PKHD1L1: variants seen among roughly 807,000 people sequenced by gnomAD.
PKHD1L1 encodes fibrocystin-L.
A neutral mutation model predicts 462.9 loss-of-function variants in PKHD1L1; 434 were observed. The observed-to-expected ratio is 0.94, with a 90% CI of 0.87 to 1.02. The LOEUF (loss-of-function observed/expected upper bound fraction) is 1.02. Among genes scored for constraint, PKHD1L1 ranks in the 50% least tolerant of loss-of-function variants. PKHD1L1 has a pLI of 0.00. For synonymous variants in PKHD1L1, 1,781 were observed against 1,750.0 expected (o/e 1.02, Z -0.44); for missense variants, 5,202 against 5,096.1 (o/e 1.02, Z -0.63).
chr8:109,401,750 T>G (rs1813285102), intron 14 of PKHD1L1, among the ~76,000 whole-genome samples, 162 bp downstream of exon 14: 2 of 152,180 alleles, frequency 1.3e-5, no homozygotes, highest in Non-Finnish European at 2.9e-5. Flanking sequence ...ATGTGTTTCT[T>G]GATTTTCAAG....
At chr8:109,450,951 T>G in intron 40 of PKHD1L1, 24 bp from the exon 41 acceptor site, 1 of 1,571,298 alleles carries the variant, frequency 6.4e-7, no homozygotes, top group Non-Finnish European at 8.7e-7. Flanking sequence ...CAGAACTGCA[T>G]TCAGTCTGAT....
At chr8:109,402,887 G>C (rs1813345241) in intron 14 of PKHD1L1, among the ~76,000 whole-genome samples, 2 of 152,016 alleles carry the variant, frequency 1.3e-5, no homozygotes, top group South Asian at 4.1e-4. Context: ...ACTGACATGG[G>C]GAAAGAGTTT....
intron 26 of PKHD1L1, among the ~76,000 whole-genome samples, 194 bp downstream of exon 26, chr8:109,429,656 G>C: frequency 1.3e-5 from 2 of 152,030 alleles, no homozygotes; most frequent in Non-Finnish European, 2.9e-5. Flanking sequence ...TAAAATAGTA[G>C]ATTTTTTTAG....
intron 50 of PKHD1L1, chr8:109,470,156 A>C (rs1817646864): frequency 1.5e-6 from 1 of 655,060 alleles, no homozygotes; most frequent in South Asian, 2.3e-5. Flanking sequence ...GATCCCCAAA[A>C]ATATTTGGAT....
intron 8 of PKHD1L1, among the ~76,000 whole-genome samples, chr8:109,389,451 G>GTTCTT (rs1194617752): frequency 2.0e-5 from 3 of 150,758 alleles, no homozygotes; most frequent in Admixed American, 6.6e-5. Context: ...ATTTTGCTCT[G>GTTCTT]TTCTTTTCTT....
chr8:109,479,701 G>T, intron 54 of PKHD1L1, 62 bp downstream of exon 54: 1 of 1,149,190 alleles, frequency 8.7e-7, no homozygotes, highest in South Asian at 1.5e-5. Context: ...ACTATGGCAG[G>T]GTAGATGTCA....
Position 109,381,370 on chromosome 8 carries a change from G to A in PKHD1L1, c.164G>A (p.Gly55Asp). ...GATRLTIRGE[G>D]FSQANQFNYG... Reference sequence around the variant, plus strand: ...TAATTAAGTCTTCTTACTTTTCCAGGTTTTTCTCAAGCAAACCAGTTTAAC... The same window carrying A: ...TAATTAAGTCTTCTTACTTTTCCAGATTTTTCTCAAGCAAACCAGTTTAAC... Residue 55 changes from glycine to aspartate, a missense_variant and splice_region_variant, in exon 3 of 78, where the codon GGT becomes GAT. Coordinates refer to ENST00000378402, the MANE Select transcript of PKHD1L1 (RefSeq NM_177531.6). The A allele has an allele frequency of 6.4e-7, 1 of 1,563,988 alleles. No individual in the cohort carries two copies.
Position 109,429,932 on chromosome 8 carries a change from G to T in PKHD1L1, c.3124G>T (p.Val1042Phe). 6.2e-7 allele frequency: 1 copy of T among 1,607,146 alleles called. No homozygotes were observed. Among genetic ancestry groups the T allele is most frequent in the Non-Finnish European group, 8.5e-7 (1 of 1,174,590 alleles). Reference sequence around the variant, plus strand: ...TAGCTTCTTGTTTCTTTACTTGAAGGTTGAAGTCTATGTCAATGGAATTCC... The same window carrying T: ...TAGCTTCTTGTTTCTTTACTTGAAGTTTGAAGTCTATGTCAATGGAATTCC... ...LLRTPSQQPQ[V>F]EVYVNGIPAK... The change falls in exon 27 of 78, where the codon GTT becomes TTT. Residue 1042 changes from valine to phenylalanine, a missense_variant and splice_region_variant. Physicochemically the swap from Val to Phe is conservative, Grantham distance 50. This residue lies in a region of PKHD1L1 where 4,497 missense variants were observed against 4,336.8 expected (regional missense o/e 1.04). Coordinates refer to ENST00000378402, the MANE Select transcript of PKHD1L1 (RefSeq NM_177531.6).
At chr8:109,461,993 A>C (rs992771594) in intron 48 of PKHD1L1, 85 bp downstream of exon 48, 1 of 1,431,854 alleles carries the variant, frequency 7.0e-7, no homozygotes, top group African/African-American at 1.4e-5. Flanking sequence ...CTGTTTGTCA[A>C]TGCTACTTAT....
chr8:109,485,969 T>C (rs1379114254), intron 58 of PKHD1L1, among the ~76,000 whole-genome samples: 1 of 152,026 alleles, frequency 6.6e-6, no homozygotes, highest in Non-Finnish European at 1.5e-5. Context: ...GTTTTTGAAG[T>C]TTGACATTAT....
intron 50 of PKHD1L1, among the ~76,000 whole-genome samples, chr8:109,467,229 C>T (rs1231041239): frequency 1.3e-5 from 2 of 152,176 alleles, no homozygotes; most frequent in African/African-American, 4.8e-5. Context: ...GCATCATTAC[C>T]TGATTATGTT....
chr8:109,518,100 G>A, intron 72 of PKHD1L1, 67 bp from the exon 73 acceptor site: 2 of 961,568 alleles, frequency 2.1e-6, no homozygotes, highest in Non-Finnish European at 3.0e-6. Flanking sequence ...CAAACATTAA[G>A]TAACGCATGT....
chr8:109,523,776 A>ATTCT (rs1820681559), intron 76 of PKHD1L1, among the ~76,000 whole-genome samples: 1 of 152,198 alleles, frequency 6.6e-6, no homozygotes, highest in Admixed American at 6.5e-5. Flanking sequence ...TTGGGCTAGA[A>ATTCT]AGTTGGCTGT....
chr8:109,457,106 A>G (rs1294434100), intron 46 of PKHD1L1, among the ~76,000 whole-genome samples: 1 of 152,140 alleles, frequency 6.6e-6, no homozygotes, highest in Admixed American at 6.6e-5. Context: ...TGTTCAAATT[A>G]TAGATAATAG....
chr8:109,468,408 G>A (rs1817556660), intron 50 of PKHD1L1, among the ~76,000 whole-genome samples: 1 of 152,068 alleles, frequency 6.6e-6, no homozygotes, highest in African/African-American at 2.4e-5. Flanking sequence ...TTTTTATTTA[G>A]TTACTAAACT....
chr8:109,477,300 T>G lies in PKHD1L1; in HGVS notation c.8993T>G (p.Ile2998Ser), dbSNP rs778795782. The G allele has an allele frequency of 1.2e-6, 2 of 1,613,536 alleles. No individual in the cohort carries two copies. The highest frequency in any genetic ancestry group is 8.5e-7 in the Non-Finnish European group (1 of 1,179,690). Residue 2998 changes from isoleucine (I) to serine (S), a missense_variant, in exon 53 of 78, where the codon ATT becomes AGT. Physicochemically the swap from Ile to Ser is moderately radical, Grantham distance 142 (BLOSUM62 -2). Coordinates refer to ENST00000378402, the MANE Select transcript of PKHD1L1 (RefSeq NM_177531.6). ...GATCCTGATGTGAAAGACGTTGTTATTAATTTCCAAGCTTACTGTTGTATT... is the reference window on the plus strand; with the variant it reads ...GATCCTGATGTGAAAGACGTTGTTAGTAATTTCCAAGCTTACTGTTGTATT... ...NLDPDVKDVV[I>S]NFQAYCCILQ...
At chr8:109,407,868 C>T (rs1269063331) in intron 17 of PKHD1L1, among the ~76,000 whole-genome samples, 181 bp from the exon 18 acceptor site, 2 of 151,998 alleles carry the variant, frequency 1.3e-5, no homozygotes, top group Non-Finnish European at 2.9e-5. Context: ...ATGGATAAAT[C>T]TGCTCAAATT....
Position 109,459,267 on chromosome 8 carries a change from G to A in PKHD1L1, c.7005-328G>A, listed in dbSNP as rs188154915. Among the ~76,000 whole-genome samples, 3 of 152,142 alleles carry A rather than the reference G, an allele frequency of 2.0e-5. No homozygotes were observed. In the East Asian group the frequency reaches 5.8e-4, roughly 29 times the overall value. On this transcript the variant is annotated intron_variant, in intron 46 of 77. Transcript: ENST00000378402. ...GGCATTGCTAAATGTCCCCTGGGAG[G>A]AATAAAATCATCCTCAATTGAGAAC...
At chr8:109,373,038 T>C (rs1236455564) in intron 2 of PKHD1L1, among the ~76,000 whole-genome samples, 3 of 152,228 alleles carry the variant, frequency 2.0e-5, no homozygotes, top group African/African-American at 7.2e-5. Flanking sequence ...TTAGGGATGA[T>C]TCCCTCTTTT....
Sources: allele counts gnomAD v4.1 joint callset (sites outside exome capture counted in the v4.1 genomes callset), GRCh38; gene constraint gnomAD v4.1.1; regional missense constraint gnomAD v4.1.1; transcripts MANE v1.5; gene names NCBI Gene and HGNC (gene_info 2026-07-23, HGNC 2026-07-21).